The following SYNDIG1 variants were observed in gnomAD, a reference collection of about 807,000 sequenced individuals.
The protein encoded by SYNDIG1 is synapse differentiation-inducing gene protein 1.
In SYNDIG1, 9 loss-of-function variants were observed where a neutral mutation model predicts 19.4. That is an observed-to-expected ratio of 0.46 (90% CI 0.28 to 0.81). The LOEUF (loss-of-function observed/expected upper bound fraction) is 0.81. SYNDIG1 is among the 30% of genes least tolerant of loss of function. The probability of loss-of-function intolerance (pLI) is 0.12; values close to 1 mark genes in which losing one functional copy is unlikely to be tolerated. For synonymous variants in SYNDIG1, 141 were observed against 145.9 expected (o/e 0.97, Z 0.24); for missense variants, 311 against 343.3 (o/e 0.91, Z 0.74).
chr20:24,601,363 A>T (rs1467263811), intron 3 of SYNDIG1, among the ~76,000 whole-genome samples: 1 of 152,190 alleles, frequency 6.6e-6, no homozygotes, highest in African/African-American at 2.4e-5. Flanking sequence ...TTCTCTGAAC[A>T]TTTATTTAAA....
chr20:24,593,875 A>C (rs1439673066), intron 3 of SYNDIG1, among the ~76,000 whole-genome samples: 1 of 152,072 alleles, frequency 6.6e-6, no homozygotes, highest in Non-Finnish European at 1.5e-5. Context: ...CCACTTTTTA[A>C]TGCAAGTGTT....
At chr20:24,493,431 G>A (rs6138307) in intron 1 of SYNDIG1, among the ~76,000 whole-genome samples, 3 of 152,062 alleles carry the variant, frequency 2.0e-5, no homozygotes, top group Non-Finnish European at 4.4e-5. Flanking sequence ...ACACAGGTAC[G>A]CACACATACA....
intron 1 of SYNDIG1, among the ~76,000 whole-genome samples, chr20:24,474,724 G>A (rs1035849621): frequency 3.3e-5 from 5 of 152,290 alleles, no homozygotes; most frequent in African/African-American, 1.2e-4. Flanking sequence ...TTTCAAGAAC[G>A]GCTCACTTAG....
chr20:24,479,806 C>T (rs149834135), intron 1 of SYNDIG1, among the ~76,000 whole-genome samples: 33 of 152,254 alleles, frequency 2.2e-4, no homozygotes, highest in Non-Finnish European at 4.0e-4. Flanking sequence ...GCGCTCCTCT[C>T]GAAGCCCCCT....
intron 3 of SYNDIG1, among the ~76,000 whole-genome samples, chr20:24,661,482 G>GAAGAAAGAAGGAGGAGTT (rs2059593411): frequency 1.3e-4 from 1 of 7,472 alleles, no homozygotes; most frequent in African/African-American, 5.8e-4. Flanking sequence ...AGGGAAGAGG[G>GAAGAAAGAAGGAGGAGTT]AGGAAGAAGG....
At chr20:24,657,603 AAGGCAGGGGTCATAAAAAT>A (rs2059540552) in intron 3 of SYNDIG1, among the ~76,000 whole-genome samples, 1 of 152,174 alleles carries the variant, frequency 6.6e-6, no homozygotes, top group Admixed American at 6.5e-5. Flanking sequence ...GGTTGTTAAA[AAGGCAGGGGTCATAAAAAT>A]AGACCTGGGC....
At chr20:24,648,840 G>C (rs1459875143) in intron 3 of SYNDIG1, among the ~76,000 whole-genome samples, 2 of 152,250 alleles carry the variant, frequency 1.3e-5, no homozygotes, top group Non-Finnish European at 2.9e-5. Flanking sequence ...GCCGGCGTCT[G>C]CAGAGGACAC....
chr20:24,488,863 C>T (rs941576233), intron 1 of SYNDIG1, among the ~76,000 whole-genome samples: 2 of 152,184 alleles, frequency 1.3e-5, no homozygotes, highest in African/African-American at 4.8e-5. Flanking sequence ...AGAGCATCCC[C>T]GGGCGCTCGG....
At chr20:24,518,058 A>C (rs919505251) in intron 1 of SYNDIG1, among the ~76,000 whole-genome samples, 1 of 151,940 alleles carries the variant, frequency 6.6e-6, no homozygotes, top group South Asian at 2.1e-4. Flanking sequence ...CACCTGCCTC[A>C]GCTTCCCAAA....
At chr20:24,568,337 A>G (rs1321983968) in intron 2 of SYNDIG1, among the ~76,000 whole-genome samples, 1 of 152,166 alleles carries the variant, frequency 6.6e-6, no homozygotes, top group Non-Finnish European at 1.5e-5. Context: ...CTGGTAGCAG[A>G]ATGGACCATT....
chr20:24,620,500 T>C (rs935306422), intron 3 of SYNDIG1, among the ~76,000 whole-genome samples: 1 of 152,204 alleles, frequency 6.6e-6, no homozygotes, highest in African/African-American at 2.4e-5. Flanking sequence ...TAGGCTAATT[T>C]GAGCTTCCTC....
intron 1 of SYNDIG1, among the ~76,000 whole-genome samples, chr20:24,533,254 A>G (rs2057297400): frequency 6.6e-6 from 1 of 151,996 alleles, no homozygotes; most frequent in East Asian, 1.9e-4. Context: ...TTGTCCACGT[A>G]GGCACATTAC....
intron 2 of SYNDIG1, among the ~76,000 whole-genome samples, chr20:24,548,349 A>G (rs2057632054): frequency 6.6e-6 from 1 of 152,250 alleles, no homozygotes; most frequent in South Asian, 2.1e-4. Context: ...AGACGGCACC[A>G]GGACTTCACT....
At chr20:24,586,663 G>A (rs2058423282) in intron 3 of SYNDIG1, among the ~76,000 whole-genome samples, 1 of 152,208 alleles carries the variant, frequency 6.6e-6, no homozygotes, top group African/African-American at 2.4e-5. Context: ...CTCCAGCCCT[G>A]CGTCATCTCC....
At chr20:24,662,635 C>A (rs2059614381) in intron 3 of SYNDIG1, among the ~76,000 whole-genome samples, 1 of 152,218 alleles carries the variant, frequency 6.6e-6, no homozygotes, top group Admixed American at 6.5e-5. Context: ...GTCTTTGGGT[C>A]CTGCTGAGCC....
intron 1 of SYNDIG1, among the ~76,000 whole-genome samples, chr20:24,516,213 G>A (rs905627926): frequency 2.3e-4 from 35 of 152,074 alleles, no homozygotes; most frequent in Non-Finnish European, 4.6e-4. Context: ...ATGCTAGACC[G>A]AAAACCATAA....
intron 3 of SYNDIG1, among the ~76,000 whole-genome samples, chr20:24,656,398 G>T (rs945103512): frequency 5.3e-5 from 8 of 152,196 alleles, no homozygotes; most frequent in African/African-American, 1.9e-4. Context: ...CATGATTTTA[G>T]GATCCTTCCT....
intron 1 of SYNDIG1, among the ~76,000 whole-genome samples, chr20:24,484,730 T>C (rs998833736): frequency 6.6e-6 from 1 of 152,236 alleles, no homozygotes; most frequent in Non-Finnish European, 1.5e-5. Flanking sequence ...GGTCACAAAA[T>C]AATGAAAAGT....
chr20:24,637,735 G>A (rs1310698044), intron 3 of SYNDIG1, among the ~76,000 whole-genome samples: 1 of 152,226 alleles, frequency 6.6e-6, no homozygotes, highest in Non-Finnish European at 1.5e-5. Context: ...AGCAGTAAAA[G>A]GTGTACAGGT....
Sources: gnomAD v4.1 joint callset for allele counts (sites outside exome capture counted in the v4.1 genomes callset) on GRCh38, gnomAD v4.1.1 for gene constraint, MANE v1.5 for transcripts, NCBI Gene and HGNC (gene_info 2026-07-23, HGNC 2026-07-21) for gene names.